CCPG1: variants seen among roughly 807,000 people sequenced by gnomAD.
CCPG1 encodes cell cycle progression 1.
A neutral mutation model predicts 81.3 loss-of-function variants in CCPG1; 46 were observed. That is an observed-to-expected ratio of 0.57 (90% CI 0.45 to 0.72). The LOEUF is 0.72. Ranked by LOEUF, CCPG1 falls within the 30% of genes least tolerant of loss-of-function variation. The pLI is 0.00. For synonymous variants in CCPG1, 330 were observed against 305.2 expected, an observed-to-expected ratio of 1.08 and a Z score of -0.85; for missense variants, 902 against 937.6, an observed-to-expected ratio of 0.96 and a Z score of 0.50.
chr15:55,367,653 GC>G (rs2056359186), intron 6 of CCPG1, among the ~76,000 whole-genome samples: 1 of 150,392 alleles, frequency 6.6e-6, no homozygotes, highest in Admixed American at 6.6e-5. Flanking sequence ...CTCAACACCT[GC>G]CCCAAACCAA....
intron 7 of CCPG1, among the ~76,000 whole-genome samples, chr15:55,362,521 C>T (rs1477888499): frequency 6.6e-6 from 1 of 152,122 alleles, no homozygotes; most frequent in Non-Finnish European, 1.5e-5. Flanking sequence ...TTCTTCTACC[C>T]AACAGCAGTG....
chr15:55,360,582 C>G lies in CCPG1; in HGVS notation c.1191G>C (p.Arg397Ser), dbSNP rs201721870. Residue 397 changes from arginine to serine, a missense_variant, in exon 8 of 9, where the codon AGG becomes AGC. Physicochemically the swap from Arg to Ser is moderately radical, Grantham distance 110 (BLOSUM62 -1). Coordinates refer to ENST00000442196, the MANE Select transcript of CCPG1 (RefSeq NM_001204450.2). ...ERERLVTTAL[R>S]GELQQLSGSQ... ...TACCACTTAACTGCTGGAGTTCCCC[C>G]CTTAAAGCCGTAGTTACTAGTCGTT... The G allele has an allele frequency of 6.2e-6, 10 of 1,614,042 alleles. No homozygotes were observed. The highest frequency in any genetic ancestry group is 3.3e-4 in the Middle Eastern group (2 of 6,084).
chr15:55,365,282 T>G lies in CCPG1; in HGVS notation c.734A>C (p.Gln245Pro), dbSNP rs1256596086. The G allele has an allele frequency of 6.5e-7, 1 of 1,543,832 alleles. No individual in the cohort carries two copies. The highest frequency in any genetic ancestry group is 1.7e-4 in the Middle Eastern group (1 of 5,808). ...YGTIQIQKRQ[Q>P]LVRKIHEDEL... is the part of the protein sequence containing the mutation. ...ATCTTCATGTATCTTTCTGACTAAC[T>G]GTTGACGCTTCTGAATCTGAATTGT... Residue 245 changes from glutamine to proline, a missense_variant, in exon 7 of 9, where the codon CAG (glutamine) becomes CCG (proline). Transcript: ENST00000442196.
chr15:55,377,114 T>C lies in CCPG1; in HGVS notation c.289A>G (p.Ile97Val). ...TCAGAATCATCACTGGCAGTTCCAA[T>C]ATAGATACTGTCTTCGGGTATCTTT... ...EQKIPEDSIY[I>V]GTASDDSDIV... The change falls in exon 5 of 9, where the codon ATT (isoleucine) becomes GTT (valine). Residue 97 changes from isoleucine (I) to valine (V), a missense_variant. By Grantham distance (29) the Ile-to-Val change is conservative. This residue lies in a region of CCPG1 where 746 missense variants were observed against 728.6 expected (regional missense o/e 1.02). Transcript: ENST00000442196. 6.2e-7 allele frequency: 1 copy of C among 1,613,628 alleles called. No individual in the cohort carries two copies.
chr15:55,392,669 C>T lies in CCPG1; in HGVS notation c.-9-3236G>A, dbSNP rs368130433. Among the ~76,000 whole-genome samples, 751 of 152,204 alleles carry T rather than the reference C, an allele frequency of 4.9e-3. 3 individuals carry two copies. The highest frequency in any genetic ancestry group is 0.017 in the African/African-American group (727 of 41,570). ...CTGAGTAGCTGGAACTACAGGTGTG[C>T]GCCACCATGCCTAATATTTGTATTT... is the stretch of plus-strand genomic sequence containing the variant. On this transcript the variant is annotated intron_variant, in intron 1 of 8. Transcript: ENST00000442196.
intron 2 of CCPG1, among the ~76,000 whole-genome samples, chr15:55,387,193 A>C (rs1435838882): frequency 6.6e-6 from 1 of 152,224 alleles, no homozygotes; most frequent in Non-Finnish European, 1.5e-5. Flanking sequence ...AACATCCAGT[A>C]CAGAACACCC....
At chr15:55,396,182 A>G (rs2057014900) in intron 1 of CCPG1, among the ~76,000 whole-genome samples, 1 of 150,908 alleles carries the variant, frequency 6.6e-6, no homozygotes, top group Non-Finnish European at 1.5e-5. Context: ...AGAACTCAAA[A>G]TTCTGGAGAA....
intron 3 of CCPG1, among the ~76,000 whole-genome samples, chr15:55,384,961 CAAACTACCAAACAAATGACAAGGAAATAG>C (rs2056770813): frequency 6.6e-6 from 1 of 152,122 alleles, no homozygotes; most frequent in South Asian, 2.1e-4. Context: ...CAAGTAAATA[CAAACTACCAAACAAATGACAAGGAAATAG>C]AAACTACCAA....
chr15:55,381,364 C>T (rs1392393204), intron 3 of CCPG1, among the ~76,000 whole-genome samples: 3 of 149,400 alleles, frequency 2.0e-5, no homozygotes, highest in South Asian at 2.1e-4. Context: ...ACCGGGGAGG[C>T]GGAGGTTACA....
At chr15:55,374,309 A>C (rs1431927140) in intron 5 of CCPG1, 10 of 864,724 alleles carry the variant, frequency 1.2e-5, no homozygotes, top group Middle Eastern at 2.7e-4. Context: ...GACTAAAAAG[A>C]AAAAAAAGAA....
chr15:55,379,161 CGTGTGTGTGTGTGTGT>C (rs57640801), intron 3 of CCPG1, among the ~76,000 whole-genome samples: 1 of 134,682 alleles, frequency 7.4e-6, no homozygotes, highest in African/African-American at 3.0e-5. Flanking sequence ...TGTATATGTA[CGTGTGTGTGTGTGTGT>C]GTGTGTGTGT....
intron 1 of CCPG1, among the ~76,000 whole-genome samples, chr15:55,407,033 T>G (rs1431210990): frequency 1.6e-5 from 2 of 123,258 alleles, no homozygotes; most frequent in Admixed American, 7.6e-5. Flanking sequence ...GCCGACACGT[T>G]GAGACCCCCC....
intron 5 of CCPG1, chr15:55,373,037 C>A (rs2056487023): frequency 1.9e-6 from 1 of 534,302 alleles, no homozygotes; most frequent in Non-Finnish European, 3.8e-6. Context: ...ACAGCTATCT[C>A]CGATATTAAG....
At position 55,360,857 on chromosome 15, in the gene CCPG1, C is replaced by G; in HGVS notation, c.916G>C (p.Glu306Gln). The G allele has an allele frequency of 6.2e-7, 1 of 1,608,724 alleles. No homozygotes were observed. The highest frequency in any genetic ancestry group is 8.5e-7 in the Non-Finnish European group (1 of 1,178,580). The change falls in exon 8 of 9, where the codon GAA (glutamate) becomes CAA (glutamine). Residue 306 changes from glutamate to glutamine, a missense_variant. Coordinates refer to ENST00000442196, the MANE Select transcript of CCPG1 (RefSeq NM_001204450.2). ...AAGGATACTCTTAAATACTGATTTT[C>G]TGTAGCAAGGTTCGTTTTCTGAGTT... ...FETQKTNLATENQYLRVSLEK... is the reference protein window; with the variant it reads ...FETQKTNLATQNQYLRVSLEK...
intron 8 of CCPG1, chr15:55,358,431 T>A: frequency 1.0e-6 from 1 of 985,478 alleles, no homozygotes; most frequent in Non-Finnish European, 1.2e-6. Context: ...GTTCTCCATG[T>A]CCTACAGGAC....
intron 7 of CCPG1, among the ~76,000 whole-genome samples, chr15:55,362,036 C>T (rs1015063304): frequency 2.0e-5 from 3 of 152,034 alleles, no homozygotes; most frequent in African/African-American, 7.2e-5. Context: ...AGTCAGCACC[C>T]GTGGTAGAAA....
At chr15:55,362,824 G>A (rs577684762) in intron 7 of CCPG1, among the ~76,000 whole-genome samples, 1 of 152,154 alleles carries the variant, frequency 6.6e-6, no homozygotes, top group African/African-American at 2.4e-5. Context: ...AGGATCACTT[G>A]AACCCAGAAG....
chr15:55,390,884 T>G (rs180994900), intron 1 of CCPG1, among the ~76,000 whole-genome samples: 66 of 152,332 alleles, frequency 4.3e-4, no homozygotes, highest in African/African-American at 1.6e-3. Flanking sequence ...CATTTTGTAA[T>G]AGGCTCACCT....
chr15:55,355,651 G>T lies in CCPG1; in HGVS notation c.*569C>A. Reference sequence around the variant, plus strand: ...ATAAAGACCTTTAGTTTTCCTCATGGTGTAGTTTTATTGTTTCTTCCACGA... The same window carrying T: ...ATAAAGACCTTTAGTTTTCCTCATGTTGTAGTTTTATTGTTTCTTCCACGA... On this transcript the variant is annotated 3_prime_UTR_variant, in exon 9 of 9. Coordinates refer to ENST00000442196, the MANE Select transcript of CCPG1 (RefSeq NM_001204450.2). The T allele has an allele frequency of 2.7e-6, 1 of 367,548 alleles. No homozygotes were observed. The highest frequency in any genetic ancestry group is 4.4e-5 in the Admixed American group (1 of 22,476). The allele number at this position is 367,548 out of a possible 1,614,324, so 22.8% of individuals were successfully genotyped here.
Sources: allele counts gnomAD v4.1 joint callset (sites outside exome capture counted in the v4.1 genomes callset), GRCh38; gene constraint gnomAD v4.1.1; regional missense constraint gnomAD v4.1.1; transcripts MANE v1.5; gene names NCBI Gene and HGNC (gene_info 2026-07-23, HGNC 2026-07-21).